Variants in SLC35G2 observed in about 807,000 individuals in gnomAD.
SLC35G2 encodes the protein solute carrier family 35 member G2, also known as transmembrane protein 22.
Under a neutral mutation model 27.2 loss-of-function variants are expected in SLC35G2, and 20 were observed. That is an observed-to-expected ratio of 0.74 (90% CI 0.52 to 1.07). The LOEUF is 1.07. Among genes scored for constraint, SLC35G2 ranks in the 50% least tolerant of loss-of-function variants. SLC35G2 has a pLI of 0.00. For missense variants in SLC35G2, 416 were observed against 493.3 expected (o/e 0.84, Z 1.48); for synonymous variants, 148 against 165.3 (o/e 0.90, Z 0.80).
At chr3:136,834,967 C>T (rs1423093009) in intron 1 of SLC35G2, among the ~76,000 whole-genome samples, 5 of 152,132 alleles carry the variant, frequency 3.3e-5, no homozygotes, top group Non-Finnish European at 1.5e-5. Context: ...CTGAACCAAT[C>T]GAAGGTAAGT....
At position 136,819,450 on chromosome 3, in the gene SLC35G2, G is replaced by C. The variant is rs369962545; in HGVS notation, c.-197G>C. On this transcript the variant is annotated 5_prime_UTR_variant, in exon 1 of 2. Transcript: ENST00000446465. ...CGACGCCTGAAAGGCCGCGGGGCCC[G>C]CATTTCTCTGTGCTGCCCTCCTGGA... is the stretch of plus-strand genomic sequence containing the variant. 6.6e-6 allele frequency: 1 copy of C among 152,304 alleles called. No individual in the cohort carries two copies. Among genetic ancestry groups the C allele is most frequent in the African/African-American group, 2.4e-5 (1 of 41,472 alleles). 9.4% of individuals were successfully genotyped at this position (152,304 alleles called of 1,614,324 possible). A position where few individuals can be genotyped will look rare whatever the true frequency, so the allele number is the denominator to read the frequency against.
chr3:136,824,394 C>T (rs191058605), intron 1 of SLC35G2, among the ~76,000 whole-genome samples: 90 of 151,900 alleles, frequency 5.9e-4, no homozygotes, highest in Non-Finnish European at 5.4e-4. Flanking sequence ...TCTTAAATTT[C>T]TTTCACAAAT....
At chr3:136,854,167 C>T (rs1195366700) in intron 1 of SLC35G2, among the ~76,000 whole-genome samples, 2 of 151,944 alleles carry the variant, frequency 1.3e-5, no homozygotes, top group Non-Finnish European at 1.5e-5. Flanking sequence ...TGGAAAAATC[C>T]GTTTGTGGTA....
intron 1 of SLC35G2, among the ~76,000 whole-genome samples, chr3:136,846,064 T>C (rs893959851): frequency 1.3e-5 from 2 of 152,136 alleles, no homozygotes; most frequent in Admixed American, 1.3e-4. Context: ...GTCCAATCAG[T>C]TGAAAGCCTG....
chr3:136,827,169 A>G (rs1189245704), intron 1 of SLC35G2, among the ~76,000 whole-genome samples: 1 of 147,818 alleles, frequency 6.8e-6, no homozygotes, highest in African/African-American at 2.5e-5. Flanking sequence ...TTTCAATTTC[A>G]TTTATTTCTG....
chr3:136,849,247 T>TA (rs1276272555), intron 1 of SLC35G2, among the ~76,000 whole-genome samples: 4 of 150,886 alleles, frequency 2.7e-5, no homozygotes, highest in East Asian at 3.9e-4. Context: ...TCCCTGAACC[T>TA]AAAAAAAAAT....
At chr3:136,829,800 T>G (rs990662309) in intron 1 of SLC35G2, among the ~76,000 whole-genome samples, 9 of 152,264 alleles carry the variant, frequency 5.9e-5, no homozygotes, top group African/African-American at 1.9e-4. Flanking sequence ...ATATGGGAGC[T>G]CCATTATATG....
chr3:136,849,545 G>A (rs904712737), intron 1 of SLC35G2, among the ~76,000 whole-genome samples: 1 of 151,476 alleles, frequency 6.6e-6, no homozygotes, highest in African/African-American at 2.4e-5. Context: ...AGGCTGAAGT[G>A]CAGTGGTGCG....
intron 1 of SLC35G2, among the ~76,000 whole-genome samples, chr3:136,846,739 T>G (rs1376599843): frequency 2.0e-5 from 3 of 152,196 alleles, no homozygotes; most frequent in African/African-American, 4.8e-5. Context: ...ACAAACCGAT[T>G]GTGAAGACGG....
intron 1 of SLC35G2, among the ~76,000 whole-genome samples, chr3:136,823,892 T>C (rs1400156133): frequency 2.6e-5 from 4 of 151,982 alleles, no homozygotes; most frequent in Non-Finnish European, 5.9e-5. Context: ...GCTGATTTGA[T>C]TTTTCTATGT....
At chr3:136,839,032 G>A (rs1169881143) in intron 1 of SLC35G2, 1 of 151,580 alleles carries the variant, frequency 6.6e-6, no homozygotes, top group East Asian at 1.9e-4. Flanking sequence ...CCCCCTTCTA[G>A]TGATGGCTCC....
chr3:136,822,915 G>A lies in SLC35G2; in HGVS notation c.-19+3287G>A, dbSNP rs538993736. Among the ~76,000 whole-genome samples, 35 of 152,232 alleles carry A rather than the reference G, an allele frequency of 2.3e-4. No individual in the cohort carries two copies. In the South Asian group the frequency reaches 6.6e-3, roughly 29 times the overall value. On this transcript the variant is annotated intron_variant, in intron 1 of 1. Transcript: ENST00000446465. ...TCCATATACTGATTTCCTTTCTTTT[G>A]GTTATGTACCCAGCAGTGGGATTGC...
At position 136,855,122 on chromosome 3, in the gene SLC35G2, T is replaced by C; in HGVS notation, c.662T>C (p.Val221Ala). The change falls in exon 2 of 2, where the codon GTT becomes GCT. Residue 221 changes from valine (V) to alanine (A), a missense_variant. By Grantham distance (64) the Val-to-Ala change is moderately conservative (BLOSUM62 0). Transcript: ENST00000446465. Reference sequence around the variant, plus strand: ...CTCGTAGATGAGAAAATGGCTTATGTTGACATGGCTACAGTTGTTTGCAGC... The same window carrying C: ...CTCGTAGATGAGAAAATGGCTTATGCTGACATGGCTACAGTTGTTTGCAGC... ...FLLVDEKMAY[V>A]DMATVVCSIL... 1.2e-6 allele frequency: 2 copies of C among 1,614,210 alleles called. No individual in the cohort carries two copies. The highest frequency in any genetic ancestry group is 1.7e-6 in the Non-Finnish European group (2 of 1,180,046).
chr3:136,830,094 T>TA (rs1379721995), intron 1 of SLC35G2, among the ~76,000 whole-genome samples: 48 of 145,706 alleles, frequency 3.3e-4, no homozygotes, highest in African/African-American at 1.2e-3. Flanking sequence ...TTTTTAGACA[T>TA]ACATTATTTC....
chr3:136,851,519 A>AAAG (rs1937631128), intron 1 of SLC35G2, among the ~76,000 whole-genome samples: 2 of 148,822 alleles, frequency 1.3e-5, no homozygotes, highest in African/African-American at 5.1e-5. Context: ...AAAAAAAAAA[A>AAAG]AAGATGAACA....
intron 1 of SLC35G2, among the ~76,000 whole-genome samples, chr3:136,847,379 C>T (rs933401207): frequency 1.2e-4 from 19 of 152,036 alleles, no homozygotes; most frequent in African/African-American, 4.6e-4. Flanking sequence ...CCAGAATTTA[C>T]CTGAGATAAC....
At chr3:136,826,087 A>T (rs1936578307) in intron 1 of SLC35G2, among the ~76,000 whole-genome samples, 1 of 151,364 alleles carries the variant, frequency 6.6e-6, no homozygotes, top group African/African-American at 2.4e-5. Context: ...CCCAGCCTGG[A>T]GTACAGTGGC....
At chr3:136,844,533 TCA>T (rs1937271009) in intron 1 of SLC35G2, among the ~76,000 whole-genome samples, 1 of 149,078 alleles carries the variant, frequency 6.7e-6, no homozygotes, top group South Asian at 2.1e-4. Flanking sequence ...GCGTGGTGGC[TCA>T]CACATGTAAT....
At chr3:136,842,849 G>A (rs374553366) in intron 1 of SLC35G2, 33 of 152,386 alleles carry the variant, frequency 2.2e-4, no homozygotes, top group East Asian at 1.4e-3. Context: ...ATGGTGCCTG[G>A]ATTTGTTGGA....
Sources: allele counts gnomAD v4.1 joint callset (sites outside exome capture counted in the v4.1 genomes callset), GRCh38; gene constraint gnomAD v4.1.1; transcripts MANE v1.5; gene names NCBI Gene and HGNC (gene_info 2026-07-23, HGNC 2026-07-21).